VPS8: variants seen among roughly 807,000 people sequenced by gnomAD.
VPS8 encodes VPS8 subunit of CORVET complex.
In VPS8, 129 loss-of-function variants were observed where a neutral mutation model predicts 216.4. That is an observed-to-expected ratio of 0.60 (90% CI 0.52 to 0.69). The LOEUF (loss-of-function observed/expected upper bound fraction) is 0.69. Ranked by LOEUF, VPS8 falls within the 30% of genes least tolerant of loss-of-function variation. The pLI, the probability that VPS8 is intolerant of heterozygous loss-of-function variation, is 0.00. For missense variants in VPS8, 1,531 were observed against 1,683.5 expected, an observed-to-expected ratio of 0.91 and a Z score of 1.59; for synonymous variants, 571 against 565.4, an observed-to-expected ratio of 1.01 and a Z score of -0.14.
intron 25 of VPS8, among the ~76,000 whole-genome samples, chr3:184,910,079 C>CA (rs142305688): frequency 0.02 from 3,065 of 150,214 alleles, 90 homozygotes; most frequent in African/African-American, 0.07. Flanking sequence ...TGAGGGTAGA[C>CA]AGAGTTTGGG....
At chr3:184,906,697 A>C (rs939055020) in intron 25 of VPS8, among the ~76,000 whole-genome samples, 2 of 152,188 alleles carry the variant, frequency 1.3e-5, no homozygotes, top group African/African-American at 4.8e-5. Flanking sequence ...TGGGAGACAG[A>C]AGTTAACTTG....
intron 34 of VPS8, among the ~76,000 whole-genome samples, chr3:184,932,283 C>T (rs1404513669): frequency 6.6e-6 from 1 of 151,970 alleles, no homozygotes; most frequent in African/African-American, 2.4e-5. Context: ...ATTGATGCCT[C>T]GTAATATTGC....
intron 26 of VPS8, among the ~76,000 whole-genome samples, chr3:184,914,719 G>T (rs1737203589): frequency 6.6e-6 from 1 of 152,124 alleles, no homozygotes; most frequent in South Asian, 2.1e-4. Context: ...CTTTAATAGA[G>T]CATTGGTTTT....
chr3:184,848,698 A>G (rs916652005), intron 8 of VPS8, among the ~76,000 whole-genome samples: 1 of 150,896 alleles, frequency 6.6e-6, no homozygotes, highest in African/African-American at 2.4e-5. Flanking sequence ...CCTCTGGAGT[A>G]GCTGGGACTA....
chr3:184,951,060 A>G (rs1212112995), intron 36 of VPS8, among the ~76,000 whole-genome samples: 1 of 152,208 alleles, frequency 6.6e-6, no homozygotes, highest in Non-Finnish European at 1.5e-5. Context: ...AGAATGATTC[A>G]TATTCCTTCG....
intron 5 of VPS8, among the ~76,000 whole-genome samples, chr3:184,838,137 A>C (rs562379022): frequency 1.3e-5 from 2 of 152,232 alleles, no homozygotes; most frequent in African/African-American, 4.8e-5. Flanking sequence ...TGAACAGATG[A>C]GGAGACTAAT....
chr3:185,036,413 C>T (rs1758891682), intron 46 of VPS8, among the ~76,000 whole-genome samples: 1 of 152,108 alleles, frequency 6.6e-6, no homozygotes, highest in Admixed American at 6.5e-5. Flanking sequence ...AAAACAGACA[C>T]ATAGATCAAT....
rs1257498751 is a variant in VPS8 at position 184,867,914 on chromosome 3, A to G, written c.1471-110A>G. Reference sequence around the variant, plus strand: ...AGATATACTTCTAACTGTAGTATGAAATGTTTTACTTAAAGGGATATCAAA... The same window carrying G: ...AGATATACTTCTAACTGTAGTATGAGATGTTTTACTTAAAGGGATATCAAA... On this transcript the variant is annotated intron_variant, in intron 17 of 47. Transcript: ENST00000625842. 3 of 1,084,906 alleles carry G rather than the reference A, an allele frequency of 2.8e-6. No individual in the cohort carries two copies. In the East Asian group the frequency reaches 7.4e-5, roughly 27 times the overall value. 67.2% of individuals were successfully genotyped at this position (1,084,906 alleles called of 1,614,324 possible).
chr3:185,028,062 T>C (rs1757634680), intron 46 of VPS8, among the ~76,000 whole-genome samples: 1 of 152,232 alleles, frequency 6.6e-6, no homozygotes, highest in African/African-American at 2.4e-5. Context: ...CAAGTCTTAG[T>C]GTTGGTGAAC....
chr3:185,013,191 C>A lies in VPS8; in HGVS notation c.4003-11145C>A, dbSNP rs183063406. ...ATCCACAACCTTCCAGTGTGGGCGT[C>A]ATGGCCATCATGAGCATGTCACAGT... On this transcript the variant is annotated intron_variant, in intron 45 of 47. Transcript: ENST00000625842. Among the ~76,000 whole-genome samples the A allele has an allele frequency of 7.9e-5, 12 of 152,328 alleles. 1 individual carries two copies. The East Asian group carries it at 2.3e-3, about 29-fold the overall frequency.
chr3:184,978,451 T>G (rs1192278388), intron 40 of VPS8, among the ~76,000 whole-genome samples: 1 of 152,028 alleles, frequency 6.6e-6, no homozygotes. Context: ...TCTTGCTCTG[T>G]CACCCTGGCT....
intron 7 of VPS8, among the ~76,000 whole-genome samples, chr3:184,842,796 T>C (rs1031581731): frequency 6.6e-6 from 1 of 152,192 alleles, no homozygotes; most frequent in Non-Finnish European, 1.5e-5. Flanking sequence ...GACTGATGTT[T>C]ATTGCCTCTT....
At chr3:184,950,050 C>T (rs988791218) in intron 36 of VPS8, among the ~76,000 whole-genome samples, 1 of 151,386 alleles carries the variant, frequency 6.6e-6, no homozygotes, top group African/African-American at 2.4e-5. Flanking sequence ...ACTGGGATTA[C>T]AGGTACGCAC....
chr3:184,852,697 C>A, intron 11 of VPS8, 130 bp downstream of exon 11: 1 of 829,502 alleles, frequency 1.2e-6, no homozygotes, highest in Non-Finnish European at 1.9e-6. Context: ...ATTACAATTA[C>A]CTGGGAAGGC....
intron 24 of VPS8, 86 bp from the exon 25 acceptor site, chr3:184,900,835 A>C (rs1734349745): frequency 8.8e-7 from 1 of 1,142,320 alleles, no homozygotes; most frequent in Non-Finnish European, 1.3e-6. Context: ...CCATTAGCGA[A>C]TGGTGATGAA....
chr3:184,999,213 A>G (rs1000015405), intron 44 of VPS8, among the ~76,000 whole-genome samples: 15 of 152,064 alleles, frequency 9.9e-5, no homozygotes, highest in Admixed American at 6.5e-4. Flanking sequence ...ACCTGCCACC[A>G]CGTCCAGCTA....
In VPS8 at chr3:184,971,740, G is replaced by A; in HGVS notation, c.3408G>A (p.Gln1136=). 3 of 1,612,696 alleles carry A rather than the reference G, an allele frequency of 1.9e-6. No homozygotes were observed. The highest frequency in any genetic ancestry group is 2.5e-6 in the Non-Finnish European group (3 of 1,179,140). The change falls in exon 40 of 48, where the codon CAG becomes CAA. Residue 1136 remains glutamine (Q), a synonymous_variant. Transcript: ENST00000625842. The part of the protein sequence containing the change: ...LCQRNSHNLN[Q]QQREALWFPL... ...AGAGAAATTCACATAATTTGAACCA[G>A]CAGCAACGTGAGGTAGGAGAATGAC...
At chr3:184,871,476 CAGAT>C (rs1169404042) in intron 21 of VPS8, among the ~76,000 whole-genome samples, 4 of 152,068 alleles carry the variant, frequency 2.6e-5, no homozygotes, top group Admixed American at 6.6e-5. Flanking sequence ...TAAAAAGACT[CAGAT>C]AGCAGAGTTT....
chr3:184,911,895 A>G (rs1427138753), intron 25 of VPS8, among the ~76,000 whole-genome samples: 7 of 152,220 alleles, frequency 4.6e-5, no homozygotes, highest in Admixed American at 6.5e-5. Flanking sequence ...TGAAGTTCCC[A>G]GCATTTTGCT....
Sources: gnomAD v4.1 joint callset for allele counts (sites outside exome capture counted in the v4.1 genomes callset) on GRCh38, gnomAD v4.1.1 for gene constraint, MANE v1.5 for transcripts, NCBI Gene and HGNC (gene_info 2026-07-23, HGNC 2026-07-21) for gene names.